The following RNF8 variants were observed in gnomAD, a reference collection of about 807,000 sequenced individuals.
RNF8 encodes E3 ubiquitin-protein ligase RNF8.
In RNF8, 8 loss-of-function variants were observed where a neutral mutation model predicts 59.3. The ratio of observed to expected loss-of-function variants is 0.13; its 90% CI spans 0.08 to 0.24. The LOEUF (loss-of-function observed/expected upper bound fraction) is 0.24. Ranked by LOEUF, RNF8 falls within the 10% of genes least tolerant of loss-of-function variation. The pLI, the probability that RNF8 is intolerant of heterozygous loss-of-function variation, is 1.00. For missense variants in RNF8, 406 were observed against 572.6 expected (o/e 0.71, Z 2.97); for synonymous variants, 162 against 200.0 (o/e 0.81, Z 1.60).
At chr6:37,375,496 A>G (rs942279758) in intron 5 of RNF8, among the ~76,000 whole-genome samples, 1 of 152,208 alleles carries the variant, frequency 6.6e-6, no homozygotes, top group Non-Finnish European at 1.5e-5. Context: ...TCTGACTTGA[A>G]ATTAATACCT....
chr6:37,384,258 A>G (rs940322898), intron 7 of RNF8, among the ~76,000 whole-genome samples: 2 of 150,784 alleles, frequency 1.3e-5, no homozygotes, highest in South Asian at 2.1e-4. Context: ...CTCCTCCCTC[A>G]GCCTCCTGGG....
intron 2 of RNF8, among the ~76,000 whole-genome samples, chr6:37,366,837 C>T (rs1437148272): frequency 1.3e-5 from 2 of 152,212 alleles, no homozygotes; most frequent in Non-Finnish European, 2.9e-5. Context: ...TTAAAATGCT[C>T]ACCAGTATAT....
rs1163500152 is a variant in RNF8, at chr6:37,354,231, G to T, written c.67G>T (p.Val23Leu). 1.9e-6 allele frequency: 3 copies of T among 1,575,286 alleles called. No homozygotes were observed. The highest frequency in any genetic ancestry group is 1.7e-6 in the Non-Finnish European group (2 of 1,161,466). The change falls in exon 1 of 8, where the codon GTG (valine) becomes TTG (leucine). Residue 23 changes from valine to leucine, a missense_variant. Around this residue, in one of 3 missense-constraint regions of RNF8, gnomAD observed 62 missense variants for 112.2 expected, o/e 0.55. Coordinates refer to ENST00000373479, the MANE Select transcript of RNF8 (RefSeq NM_003958.4). ...AGGRSWCLRR[V>L]GMSAGWLLLE... ...TGGCCGGAGCTGGTGCCTGCGGCGG[G>T]TGGGGATGAGCGCCGGGTGGCTGCT... is the stretch of plus-strand genomic sequence containing the variant.
At chr6:37,390,427 A>G (rs1357850781) in intron 7 of RNF8, among the ~76,000 whole-genome samples, 1 of 150,432 alleles carries the variant, frequency 6.6e-6, no homozygotes, top group Non-Finnish European at 1.5e-5. Flanking sequence ...GCATGCTGGT[A>G]TGTGGGAGGG....
intron 5 of RNF8, 105 bp from the exon 6 acceptor site, chr6:37,376,821 A>T (rs993503746): frequency 7.1e-6 from 5 of 699,544 alleles, no homozygotes; most frequent in African/African-American, 1.8e-5. Flanking sequence ...AGAATGAATC[A>T]CTCATTAAGA....
rs1038293370 is a variant in RNF8, at chr6:37,393,747, C to G, written c.*2989C>G. ...CTGTGCCAAAGCAGGGGACTTTGTC[C>G]TTTGTGGATTGCATAGCTGGATACC... On this transcript the variant is annotated 3_prime_UTR_variant, in exon 8 of 8. Transcript: ENST00000373479. 2 of 152,192 alleles carry G rather than the reference C, an allele frequency of 1.3e-5. No individual in the cohort carries two copies. Among genetic ancestry groups the G allele is most frequent in the Non-Finnish European group, 2.9e-5 (2 of 68,034 alleles). 9.4% of individuals were successfully genotyped at this position (152,192 alleles called of 1,614,324 possible).
chr6:37,368,111 C>T (rs1040376746), intron 2 of RNF8, among the ~76,000 whole-genome samples: 5 of 152,226 alleles, frequency 3.3e-5, no homozygotes, highest in African/African-American at 1.2e-4. Context: ...TTAGCTACTG[C>T]TTTCTTCACT....
At chr6:37,364,849 A>G (rs996477406) in intron 2 of RNF8, among the ~76,000 whole-genome samples, 2 of 152,050 alleles carry the variant, frequency 1.3e-5, no homozygotes, top group African/African-American at 4.8e-5. Context: ...CGGCTCCCCA[A>G]ACCTCTGCCT....
At chr6:37,364,517 C>T (rs917951721) in intron 2 of RNF8, among the ~76,000 whole-genome samples, 5 of 152,102 alleles carry the variant, frequency 3.3e-5, no homozygotes, top group Admixed American at 6.5e-5. Flanking sequence ...AATATATTGA[C>T]GGATACATAC....
chr6:37,358,160 T>A (rs925509702), intron 1 of RNF8, among the ~76,000 whole-genome samples: 1 of 152,172 alleles, frequency 6.6e-6, no homozygotes. Flanking sequence ...TCAGGTAGGC[T>A]GGCACTTCGG....
intron 2 of RNF8, among the ~76,000 whole-genome samples, chr6:37,366,505 G>C (rs1769560644): frequency 6.6e-6 from 1 of 152,082 alleles, no homozygotes; most frequent in South Asian, 2.1e-4. Context: ...AACCAGGTTA[G>C]GCCCAATGCA....
chr6:37,384,805 C>T (rs939546824), intron 7 of RNF8, among the ~76,000 whole-genome samples: 2 of 152,210 alleles, frequency 1.3e-5, no homozygotes, highest in African/African-American at 4.8e-5. Flanking sequence ...CAGTAATCCT[C>T]TCTCTTCCAG....
intron 6 of RNF8, among the ~76,000 whole-genome samples, chr6:37,378,014 C>T (rs990024653): frequency 1.3e-5 from 2 of 152,196 alleles, no homozygotes; most frequent in South Asian, 2.1e-4. Context: ...AAAAAGAAGG[C>T]CAGGTGCAGT....
Position 37,393,203 on chromosome 6 carries a change from A to G in RNF8, c.*2445A>G, listed in dbSNP as rs557102029. The G allele has an allele frequency of 6.6e-6, 1 of 152,390 alleles. No individual in the cohort carries two copies. The highest frequency in any genetic ancestry group is 6.5e-5 in the Admixed American group (1 of 15,308). The allele number at this position is 152,390 out of a possible 1,614,324, so 9.4% of individuals were successfully genotyped here. ...GAGTTTGAATCTTGGCCCTGCTGTT[A>G]GTAACTGTGTGAGCCTTGGGCAAGT... On this transcript the variant is annotated 3_prime_UTR_variant, in exon 8 of 8. Coordinates refer to ENST00000373479, the MANE Select transcript of RNF8 (RefSeq NM_003958.4).
chr6:37,380,447 G>A (rs889441781), intron 6 of RNF8, among the ~76,000 whole-genome samples: 2 of 152,070 alleles, frequency 1.3e-5, no homozygotes, highest in East Asian at 3.9e-4. Flanking sequence ...GAGGCGGGCA[G>A]ATCACGAGGT....
chr6:37,377,061 C>CTT (rs35985063), intron 6 of RNF8, 28 bp downstream of exon 6: 9,595 of 256,462 alleles, frequency 0.037, 216 homozygotes, highest in South Asian at 0.052. Flanking sequence ...CTCACCCCTT[C>CTT]TTTTTTTTTT....
rs986001390 is a variant in RNF8, at chr6:37,393,477, C to G, written c.*2719C>G. ...CGGTAACTTTTCTGCCTTGCAGCAT[C>G]AAACTATAGTACAGCTGAGCCCCAG... On this transcript the variant is annotated 3_prime_UTR_variant, in exon 8 of 8. Coordinates refer to ENST00000373479, the MANE Select transcript of RNF8 (RefSeq NM_003958.4). The G allele has an allele frequency of 6.6e-6, 1 of 152,250 alleles. No homozygotes were observed. Among genetic ancestry groups the G allele is most frequent in the African/African-American group, 2.4e-5 (1 of 41,464 alleles). The allele number at this position is 152,250 out of a possible 1,614,324, so 9.4% of individuals were successfully genotyped here.
At chr6:37,382,787 G>T (rs1770328520) in intron 7 of RNF8, among the ~76,000 whole-genome samples, 1 of 152,128 alleles carries the variant, frequency 6.6e-6, no homozygotes, top group African/African-American at 2.4e-5. Flanking sequence ...AGACCAGCCT[G>T]GCCAACATGG....
At chr6:37,372,719 C>T (rs983949709) in intron 4 of RNF8, among the ~76,000 whole-genome samples, 2 of 152,178 alleles carry the variant, frequency 1.3e-5, no homozygotes, top group Non-Finnish European at 2.9e-5. Flanking sequence ...CCTGTAATCC[C>T]GGCACTTTGG....
Sources: gnomAD v4.1 joint callset for allele counts (sites outside exome capture counted in the v4.1 genomes callset) on GRCh38, gnomAD v4.1.1 for gene constraint, gnomAD v4.1.1 regional missense constraint, MANE v1.5 for transcripts, NCBI Gene and HGNC (gene_info 2026-07-23, HGNC 2026-07-21) for gene names.